Variants in GCC2 observed in about 807,000 individuals in gnomAD.
The protein encoded by GCC2 is GRIP and coiled-coil domain containing 2.
A neutral mutation model predicts 210.6 loss-of-function variants in GCC2; 120 were observed. The observed-to-expected ratio is 0.57, with a 90% CI of 0.49 to 0.66. The LOEUF (loss-of-function observed/expected upper bound fraction) is 0.66. Among genes scored for constraint, GCC2 ranks in the 30% least tolerant of loss-of-function variants. GCC2 has a pLI of 0.00. For synonymous variants in GCC2, 703 were observed against 652.7 expected (o/e 1.08, Z -1.17); for missense variants, 1,868 against 1,871.9 (o/e 1.00, Z 0.04).
intron 9 of GCC2, among the ~76,000 whole-genome samples, chr2:108,477,352 T>C (rs983944546): frequency 2.6e-5 from 4 of 152,104 alleles, no homozygotes; most frequent in African/African-American, 4.8e-5. Flanking sequence ...ATATGTTAAT[T>C]CTCAAAACAA....
intron 4 of GCC2, among the ~76,000 whole-genome samples, chr2:108,459,767 T>TTTTTTTTTTTTTTC (rs1680461936): frequency 7.3e-6 from 1 of 136,668 alleles, no homozygotes; most frequent in Non-Finnish European, 1.6e-5. Context: ...TTTTTTTTTT[T>TTTTTTTTTTTTTTC]TTTTTTTTTT....
intron 4 of GCC2, among the ~76,000 whole-genome samples, chr2:108,464,540 T>G (rs1418819946): frequency 6.6e-6 from 1 of 152,174 alleles, no homozygotes; most frequent in Non-Finnish European, 1.5e-5. Context: ...CTTCTATGGC[T>G]AGGATTGTAG....
Position 108,505,338 on chromosome 2 carries a change from G to A in GCC2, c.4985-2222G>A, listed in dbSNP as rs149036941. 3.0e-3 allele frequency among the ~76,000 whole-genome samples: 453 copies of A among 152,216 alleles called. 4 individuals carry two copies. Among genetic ancestry groups the A allele is most frequent in the African/African-American group, 0.01 (425 of 41,504 alleles). On this transcript the variant is annotated intron_variant, in intron 22 of 22. Coordinates refer to ENST00000309863, the MANE Select transcript of GCC2 (RefSeq NM_181453.4). ...AAGTTGTCCATCCCTAAGCAATATCGCTTCCTCCTACTTTCTAGAAGTTCT... is the reference window on the plus strand; with the variant it reads ...AAGTTGTCCATCCCTAAGCAATATCACTTCCTCCTACTTTCTAGAAGTTCT...
intron 4 of GCC2, among the ~76,000 whole-genome samples, chr2:108,454,961 C>T (rs1001406157): frequency 1.6e-5 from 2 of 122,944 alleles, no homozygotes; most frequent in Admixed American, 8.7e-5. Context: ...GGCGTGATCT[C>T]CGCTCACTGC....
intron 22 of GCC2, among the ~76,000 whole-genome samples, chr2:108,501,132 A>G (rs1682907760): frequency 6.6e-6 from 1 of 151,708 alleles, no homozygotes; most frequent in Non-Finnish European, 1.5e-5. Context: ...AGCAGCTGGG[A>G]CTACAGATGC....
At chr2:108,497,550 G>A (rs1207155984) in intron 21 of GCC2, among the ~76,000 whole-genome samples, 2 of 152,196 alleles carry the variant, frequency 1.3e-5, no homozygotes, top group Non-Finnish European at 2.9e-5. Flanking sequence ...AAACTTAAAT[G>A]GGTGTGAGTC....
intron 17 of GCC2, among the ~76,000 whole-genome samples, chr2:108,489,340 A>G (rs1299844950): frequency 1.3e-5 from 2 of 152,190 alleles, no homozygotes; most frequent in African/African-American, 4.8e-5. Flanking sequence ...ACATGGTGAA[A>G]CACTGTCTCT....
Position 108,508,306 on chromosome 2 carries a change from A to G in GCC2, c.*676A>G, listed in dbSNP as rs1031848686. 7.7e-5 allele frequency: 11 copies of G among 142,578 alleles called. No individual in the cohort carries two copies. The highest frequency in any genetic ancestry group is 2.8e-4 in the African/African-American group (11 of 39,824). 8.8% of individuals were successfully genotyped at this position (142,578 alleles called of 1,614,324 possible). On this transcript the variant is annotated 3_prime_UTR_variant, in exon 23 of 23. Transcript: ENST00000309863. ...CATGTTAAGGGGCTATGAAGTAAAT[A>G]TGCTGCAGTTAATTATGCTAAGTTA...
intron 4 of GCC2, among the ~76,000 whole-genome samples, chr2:108,458,490 C>T (rs1253655923): frequency 6.9e-6 from 1 of 145,358 alleles, no homozygotes; most frequent in Non-Finnish European, 1.5e-5. Flanking sequence ...GGAGTAGTTT[C>T]AGGAGGATTG....
At chr2:108,451,599 T>C (rs1679948126) in intron 3 of GCC2, among the ~76,000 whole-genome samples, 1 of 129,262 alleles carries the variant, frequency 7.7e-6, no homozygotes, top group African/African-American at 2.5e-5. Flanking sequence ...GAAAAAGATC[T>C]TAGCACCTTT....
At chr2:108,464,348 C>T (rs1450248971) in intron 4 of GCC2, among the ~76,000 whole-genome samples, 1 of 152,148 alleles carries the variant, frequency 6.6e-6, no homozygotes, top group Non-Finnish European at 1.5e-5. Context: ...CCCGTGCTGC[C>T]ACCTCAGCCC....
chr2:108,500,117 C>G (rs1321040789), intron 22 of GCC2, among the ~76,000 whole-genome samples: 1 of 150,932 alleles, frequency 6.6e-6, no homozygotes, highest in Non-Finnish European at 1.5e-5. Context: ...CTTCACGCCT[C>G]TTCCTTCCTC....
chr2:108,472,100 A>G lies in GCC2; in HGVS notation c.2771A>G (p.Glu924Gly). The G allele has an allele frequency of 6.5e-7, 1 of 1,539,238 alleles. No homozygotes were observed. Among genetic ancestry groups the G allele is most frequent in the Non-Finnish European group, 8.7e-7 (1 of 1,149,880 alleles). The change falls in exon 6 of 23, where the codon GAG becomes GGG. Residue 924 changes from glutamate to glycine, a missense_variant. Glu to Gly is a moderately conservative substitution (Grantham distance 98). This residue lies in a region of GCC2 where 1,847 missense variants were observed against 1,765.2 expected (regional missense o/e 1.05). Transcript: ENST00000309863. The part of the protein sequence containing the change: ...EQKELRDRRA[E>G]LILLKDSLAK... ...AAAGAATTACGAGATAGGAGAGCAGAGTTGATACTATTAAAGGTACCATTC... is the reference window on the plus strand; with the variant it reads ...AAAGAATTACGAGATAGGAGAGCAGGGTTGATACTATTAAAGGTACCATTC...
Sources: allele counts gnomAD v4.1 joint callset (sites outside exome capture counted in the v4.1 genomes callset), GRCh38; gene constraint gnomAD v4.1.1; regional missense constraint gnomAD v4.1.1; transcripts MANE v1.5; gene names NCBI Gene and HGNC (gene_info 2026-07-23, HGNC 2026-07-21).